The following SLC4A1 variants were observed in gnomAD, a reference collection of about 807,000 sequenced individuals.
SLC4A1 encodes the protein solute carrier family 4 member 1 (Diego blood group).
In SLC4A1, 29 loss-of-function variants were observed where a neutral mutation model predicts 93.1. That is an observed-to-expected ratio of 0.31 (90% CI 0.23 to 0.42). The LOEUF is 0.42. Ranked by LOEUF, SLC4A1 falls within the 20% of genes least tolerant of loss-of-function variation. The pLI, the probability that SLC4A1 is intolerant of heterozygous loss-of-function variation, is 1.00. For synonymous variants in SLC4A1, 469 were observed against 497.2 expected (o/e 0.94, Z 0.76); for missense variants, 965 against 1,190.1 (o/e 0.81, Z 2.78).
At chr17:44,259,614 G>A (rs781339671) in intron 7 of SLC4A1, 33 bp from the exon 8 acceptor site, 61 of 1,572,282 alleles carry the variant, frequency 3.9e-5, no homozygotes, top group Non-Finnish European at 4.8e-5. Flanking sequence ...GGGAGTCCTC[G>A]GGCCAGTCTG....
intron 19 of SLC4A1, among the ~76,000 whole-genome samples, 158 bp downstream of exon 19, chr17:44,251,001 C>T (rs1042123921): frequency 1.3e-5 from 2 of 152,172 alleles, no homozygotes; most frequent in South Asian, 2.1e-4. Flanking sequence ...AACAAGGCCC[C>T]GTGCTCCAGA....
Position 44,259,848 on chromosome 17 carries a change from G to A in SLC4A1, c.570C>T (p.Pro190=). The change falls in exon 7 of 20, where the codon CCC becomes CCT. Residue 190 remains proline, a synonymous_variant. Coordinates refer to ENST00000262418, the MANE Select transcript of SLC4A1 (RefSeq NM_000342.4). ...RSGDPSQPLL[P]QHSSLETQLF... Reference sequence around the variant, plus strand: ...GCTGTGTCTCCAGTGAGGAGTGTTGGGGGAGCAGAGGCTGTGAAGGATCCC... The same window carrying A: ...GCTGTGTCTCCAGTGAGGAGTGTTGAGGGAGCAGAGGCTGTGAAGGATCCC... 1 of 1,614,058 alleles carries A rather than the reference G, an allele frequency of 6.2e-7. No individual in the cohort carries two copies. Among genetic ancestry groups the A allele is most frequent in the Non-Finnish European group, 8.5e-7 (1 of 1,180,012 alleles).
chr17:44,258,032 G>T lies in SLC4A1; in HGVS notation c.1236C>A (p.Ile412=). 1 of 1,614,142 alleles carries T rather than the reference G, an allele frequency of 6.2e-7. No individual in the cohort carries two copies. Among genetic ancestry groups the T allele is most frequent in the Non-Finnish European group, 8.5e-7 (1 of 1,180,032 alleles). ...SPQVLAAVIF[I]YFAALSPAIT... The stretch of plus-strand genomic sequence containing the variant: ...TGGCGGGTGACAGTGCAGCAAAGTA[G>T]ATGAAGATGACGGCAGCCAGGACCT... The change falls in exon 11 of 20, where the codon ATC becomes ATA. Residue 412 remains isoleucine (I), a synonymous_variant. Coordinates refer to ENST00000262418, the MANE Select transcript of SLC4A1 (RefSeq NM_000342.4). The surrounding 1 kb of genome is among the most constrained non-coding windows in gnomAD (Gnocchi z 6.1).
intron 3 of SLC4A1, 44 bp from the exon 4 acceptor site, chr17:44,261,680 C>G (rs971540198): frequency 6.2e-7 from 1 of 1,613,856 alleles, no homozygotes; most frequent in African/African-American, 1.3e-5. Context: ...CCGTCCCCCA[C>G]CTGAGGCTCT....
intron 1 of SLC4A1, among the ~76,000 whole-genome samples, chr17:44,265,920 C>T (rs1257709046): frequency 1.3e-5 from 2 of 150,550 alleles, no homozygotes; most frequent in Non-Finnish European, 3.0e-5. Context: ...GCAGAGGTTG[C>T]AGTGAACCGA....
In SLC4A1 at chr17:44,259,183, C is replaced by T. The variant is rs754599702; in HGVS notation, c.856G>A (p.Ala286Thr). 6.2e-7 allele frequency: 1 copy of T among 1,614,022 alleles called. No homozygotes were observed. Among genetic ancestry groups the T allele is most frequent in the South Asian group, 1.1e-5 (1 of 91,082 alleles). Residue 286 changes from alanine (A) to threonine (T), a missense_variant, in exon 9 of 20, where the codon GCC (alanine) becomes ACC (threonine). Ala to Thr is a moderately conservative substitution (Grantham distance 58). Around this residue, in one of 2 missense-constraint regions of SLC4A1, gnomAD observed 770 missense variants for 1,006.6 expected, o/e 0.76. Transcript: ENST00000262418. ...CTTACCCTCTCTGACATGAGGGTGG[C>T]AGCAGCCCGGCCAAGCTGGGTGTAA... ...IDYTQLGRAA[A>T]TLMSERVFRI...
chr17:44,251,661 TG>T, intron 17 of SLC4A1, 73 bp from the exon 18 acceptor site: 1 of 1,401,516 alleles, frequency 7.1e-7, no homozygotes, highest in Non-Finnish European at 1.0e-6. Context: ...GGCCCCTATC[TG>T]GGGCTGGGAA....
rs753548782 is a variant in SLC4A1 at position 44,260,657 on chromosome 17, C to A, written c.327G>T (p.Glu109Asp). ...LSHLTFWSLL[E>D]LRRVFTKGTV... ...CACCCTTGGTGAAGACTCTACGCAG[C>A]TCTAGGAGGCTCCAGAAGGTGAGGT... The change falls in exon 5 of 20, where the codon GAG becomes GAT. Residue 109 changes from glutamate (E) to aspartate (D), a missense_variant. Physicochemically the swap from Glu to Asp is conservative, Grantham distance 45. Transcript: ENST00000262418. 1 of 1,614,174 alleles carries A rather than the reference C, an allele frequency of 6.2e-7. No homozygotes were observed. Among genetic ancestry groups the A allele is most frequent in the Non-Finnish European group, 8.5e-7 (1 of 1,180,016 alleles).
intron 1 of SLC4A1, among the ~76,000 whole-genome samples, chr17:44,265,571 C>T (rs2047489613): frequency 6.6e-6 from 1 of 152,078 alleles, no homozygotes; most frequent in Admixed American, 6.5e-5. Context: ...CGGGGTTTCA[C>T]TGTGTTAGCC....
Position 44,258,868 on chromosome 17 carries a change from A to G in SLC4A1, c.877-245T>C, listed in dbSNP as rs1347518483. 6.6e-6 allele frequency among the ~76,000 whole-genome samples: 1 copy of G among 152,146 alleles called. No individual in the cohort carries two copies. Among genetic ancestry groups the G allele is most frequent in the Non-Finnish European group, 1.5e-5 (1 of 68,010 alleles). ...GCTAACCTGGTGGGTTAAGCAGACT[A>G]GATGAAACTAGAGCTGACTAGGCCC... On this transcript the variant is annotated intron_variant, in intron 9 of 19. Transcript: ENST00000262418. The surrounding 1 kb of genome is among the most constrained non-coding windows in gnomAD (Gnocchi z 6.1).
In SLC4A1 at chr17:44,260,747, C is replaced by G; in HGVS notation, c.237G>C (p.Ala79=). 6.2e-7 allele frequency: 1 copy of G among 1,614,102 alleles called. No homozygotes were observed. Among genetic ancestry groups the G allele is most frequent in the Non-Finnish European group, 8.5e-7 (1 of 1,180,036 alleles). The change falls in exon 5 of 20, where the codon GCG becomes GCC. Residue 79 remains alanine, a synonymous_variant. Coordinates refer to ENST00000262418, the MANE Select transcript of SLC4A1 (RefSeq NM_000342.4). ...KNQELRWMEA[A]RWVQLEENLG... is the part of the protein sequence containing the mutation. ...GGTTCTCCTCCAGTTGCACCCAGCG[C>G]GCCGCCTCCATCCATCTCAGCTCCT... is the stretch of plus-strand genomic sequence containing the variant.
At chr17:44,262,602 G>C (rs758600215) in intron 3 of SLC4A1, 34 bp downstream of exon 3, 6 of 1,523,458 alleles carry the variant, frequency 3.9e-6, no homozygotes, top group Non-Finnish European at 5.4e-6. Context: ...GGGCTCAGCA[G>C]CTCATCCCAG....
At chr17:44,265,248 AG>A (rs956833470) in intron 1 of SLC4A1, among the ~76,000 whole-genome samples, 26 of 152,036 alleles carry the variant, frequency 1.7e-4, no homozygotes, top group Admixed American at 1.4e-3. Context: ...CATGGACCCC[AG>A]GGGCCGAAAG....
chr17:44,260,704 A>G lies in SLC4A1; in HGVS notation c.280T>C (p.Trp94Arg), dbSNP rs2047436078. ...LEENLGENGAWGRPHLSHLTF... is the reference protein window; with the variant it reads ...LEENLGENGARGRPHLSHLTF... ...AGGTGAGAGAGGTGCGGGCGGCCCCAGGCCCCATTCTCCCCCAGGTTCTCC... is the reference window on the plus strand; with the variant it reads ...AGGTGAGAGAGGTGCGGGCGGCCCCGGGCCCCATTCTCCCCCAGGTTCTCC... The change falls in exon 5 of 20, where the codon TGG (tryptophan) becomes CGG (arginine). Residue 94 changes from tryptophan (W) to arginine (R), a missense_variant. Around this residue, in one of 2 missense-constraint regions of SLC4A1, gnomAD observed 195 missense variants for 183.5 expected, o/e 1.06. Transcript: ENST00000262418. The G allele has an allele frequency of 1.2e-6, 2 of 1,614,028 alleles. No individual in the cohort carries two copies. The highest frequency in any genetic ancestry group is 1.1e-5 in the South Asian group (1 of 91,090).
chr17:44,258,335 G>A lies in SLC4A1; in HGVS notation c.1087+78C>T. The A allele has an allele frequency of 6.8e-7, 1 of 1,469,340 alleles. No individual in the cohort carries two copies. Among genetic ancestry groups the A allele is most frequent in the East Asian group, 2.3e-5 (1 of 44,150 alleles). 91.0% of individuals were successfully genotyped at this position (1,469,340 alleles called of 1,614,324 possible). ...AGGGAGCGATGAGAGGGGAACATGT[G>A]ATGGGAGACAGAGGCTACGCTGAGG... On this transcript the variant is annotated intron_variant, in intron 10 of 19. Transcript: ENST00000262418. This position sits in a 1 kb window ranked among gnomAD's most constrained non-coding sequence, Gnocchi z 6.1.
rs2047337580 is a variant in SLC4A1 at position 44,251,342 on chromosome 17, G to T, written c.2482-10C>A. The T allele has an allele frequency of 6.2e-7, 1 of 1,614,204 alleles. No homozygotes were observed. The highest frequency in any genetic ancestry group is 2.2e-5 in the East Asian group (1 of 44,886). ...TGCGCCAGGTCTTCACCTGCAGGCG[G>T]AGGCTGGGGTCAGTGCCTATCACAC... On this transcript the variant is annotated splice_polypyrimidine_tract_variant and intron_variant, in intron 18 of 19. Transcript: ENST00000262418.
chr17:44,251,713 T>TTA, intron 17 of SLC4A1, 125 bp from the exon 18 acceptor site: 1 of 637,934 alleles, frequency 1.6e-6, no homozygotes, highest in Non-Finnish European at 2.5e-6. Context: ...TTTTTTCCTT[T>TTA]TCTTTTCTTT....
chr17:44,259,753 GA>G, intron 7 of SLC4A1, 55 bp downstream of exon 7: 1 of 1,612,908 alleles, frequency 6.2e-7, no homozygotes, highest in Admixed American at 1.7e-5. Flanking sequence ...TGGCGTTTGA[GA>G]AAGCTCTCTC....
At chr17:44,256,803 T>C (rs898301606) in intron 13 of SLC4A1, among the ~76,000 whole-genome samples, 3 of 152,208 alleles carry the variant, frequency 2.0e-5, no homozygotes, top group African/African-American at 7.2e-5. Flanking sequence ...CCAACACATA[T>C]GTGGTCACAG....
Sources: gnomAD v4.1 joint callset for allele counts (sites outside exome capture counted in the v4.1 genomes callset) on GRCh38, gnomAD v4.1.1 for gene constraint, gnomAD v4.1.1 regional missense constraint, Gnocchi (gnomAD v3.1) non-coding constraint, MANE v1.5 for transcripts, NCBI Gene and HGNC (gene_info 2026-07-23, HGNC 2026-07-21) for gene names.